The following RNF40 variants were observed in gnomAD, a reference collection of about 807,000 sequenced individuals.
RNF40 encodes ring finger protein 40.
A neutral mutation model predicts 123.3 loss-of-function variants in RNF40; 39 were observed. The ratio of observed to expected loss-of-function variants is 0.32; its 90% CI spans 0.24 to 0.41. The LOEUF is 0.41. Ranked by LOEUF, RNF40 falls within the 10% of genes least tolerant of loss-of-function variation. The pLI is 1.00. For missense variants in RNF40, 1,003 were observed against 1,319.9 expected (o/e 0.76, Z 3.72); for synonymous variants, 538 against 526.0 (o/e 1.02, Z -0.31).
At chr16:30,771,690 G>GAGGGCTT in intron 17 of RNF40, 143 bp from the exon 18 acceptor site, 1 of 828,836 alleles carries the variant, frequency 1.2e-6, no homozygotes. Context: ...AACAGGAGGG[G>GAGGGCTT]AGGGCTTAGG....
At chr16:30,763,061 G>A in intron 2 of RNF40, 57 bp from the exon 3 acceptor site, 1 of 1,594,472 alleles carries the variant, frequency 6.3e-7, no homozygotes, top group Non-Finnish European at 8.6e-7. Context: ...CTCTCTCTGT[G>A]ATTGGTTTGT....
chr16:30,774,174 TCCCCACCCCAGGTCTAGTGG>T lies in RNF40; in HGVS notation c.*69_*88del. ...CCCTGGGGGCTGTGCCCCCATCTCC[TCCCCACCCCAGGTCTAGTGG>T]CCCCACCCTCCATTCCGGACCCCAT... On this transcript the variant is annotated 3_prime_UTR_variant, in exon 20 of 20. Transcript: ENST00000324685. 1 of 1,516,966 alleles carries T rather than the reference TCCCCACCCCAGGTCTAGTGG, an allele frequency of 6.6e-7. No homozygotes were observed. The highest frequency in any genetic ancestry group is 1.3e-5 in the South Asian group (1 of 79,764). The allele number at this position is 1,516,966 out of a possible 1,614,324, so 94.0% of individuals were successfully genotyped here.
intron 2 of RNF40, among the ~76,000 whole-genome samples, 198 bp downstream of exon 2, chr16:30,762,875 G>A (rs1325527559): frequency 1.3e-5 from 2 of 152,214 alleles, no homozygotes; most frequent in Admixed American, 6.5e-5. Context: ...GGTTTCCAGG[G>A]GGCGTGTGAC....
chr16:30,761,878 G>A (rs1050932683), upstream of RNF40: 86 of 895,858 alleles, frequency 9.6e-5, no homozygotes, highest in East Asian at 2.2e-3. Flanking sequence ...CGCGCGGAGA[G>A]GCGCGGCGGG....
In RNF40 at chr16:30,769,497, T is replaced by C. The variant is rs1383623661; in HGVS notation, c.2483T>C (p.Val828Ala). Residue 828 changes from valine (V) to alanine (A), a missense_variant, in exon 17 of 20, where the codon GTG becomes GCG. Physicochemically the swap from Val to Ala is moderately conservative, Grantham distance 64 (BLOSUM62 0). Coordinates refer to ENST00000324685, the MANE Select transcript of RNF40 (RefSeq NM_014771.4). ...KSQVDAQLLTVQKLEEKERAL... is the reference protein window; with the variant it reads ...KSQVDAQLLTAQKLEEKERAL... ...TAGGTGGATGCCCAGCTGCTGACTG[T>C]GCAGAAGCTAGAGGAGAAGGAGCGA... The C allele has an allele frequency of 6.2e-7, 1 of 1,613,882 alleles. No individual in the cohort carries two copies. The highest frequency in any genetic ancestry group is 2.2e-5 in the East Asian group (1 of 44,868).
rs2054135620 is a variant in RNF40, at chr16:30,770,836, C to T, written c.2587-997C>T. 3.9e-5 allele frequency among the ~76,000 whole-genome samples: 6 copies of T among 152,202 alleles called. No homozygotes were observed. In the South Asian group the frequency reaches 1.0e-3, roughly 26 times the overall value. On this transcript the variant is annotated intron_variant, in intron 17 of 19. Coordinates refer to ENST00000324685, the MANE Select transcript of RNF40 (RefSeq NM_014771.4). Reference sequence around the variant, plus strand: ...AAGCGATTCTTCTGCCTTAGTGTCCCGAGTAGCTGGGACTACAGGAGCCTG... The same window carrying T: ...AAGCGATTCTTCTGCCTTAGTGTCCTGAGTAGCTGGGACTACAGGAGCCTG...
At chr16:30,765,775 A>G (rs1596748388) in intron 8 of RNF40, among the ~76,000 whole-genome samples, 1 of 152,280 alleles carries the variant, frequency 6.6e-6, no homozygotes, top group African/African-American at 2.4e-5. Flanking sequence ...TACTTGTGGT[A>G]ACAGACAAGA....
In RNF40 at chr16:30,768,981, C is replaced by G; in HGVS notation, c.2241C>G (p.Thr747=). 6.2e-7 allele frequency: 1 copy of G among 1,613,896 alleles called. No homozygotes were observed. The highest frequency in any genetic ancestry group is 1.3e-5 in the African/African-American group (1 of 75,060). The change falls in exon 15 of 20, where the codon ACC becomes ACG. Residue 747 remains threonine (T), a synonymous_variant. Transcript: ENST00000324685. The surrounding 1 kb of genome is among the most constrained non-coding windows in gnomAD (Gnocchi z 4.1). ...IEHLQRKLGA[T]KQEEEALLSE... ...ACCTGCAGCGCAAGCTGGGTGCCAC[C>G]AAGCAGGTGCGGCCCATGTGGTGCC...
At chr16:30,763,683 T>C in intron 4 of RNF40, 124 bp downstream of exon 4, 1 of 1,064,038 alleles carries the variant, frequency 9.4e-7, no homozygotes, top group Admixed American at 2.5e-5. Context: ...GGATTTCATG[T>C]TTGGGCAGTA....
In RNF40 at chr16:30,763,681, T is replaced by C. The variant is rs558053066; in HGVS notation, c.442+122T>C. The C allele has an allele frequency of 2.1e-4, 224 of 1,082,366 alleles. No homozygotes were observed. The African/African-American group carries it at 2.8e-3, about 13-fold the overall frequency. 67.0% of individuals were successfully genotyped at this position (1,082,366 alleles called of 1,614,324 possible). A position where few individuals can be genotyped will look rare whatever the true frequency, so the allele number is the denominator to read the frequency against. On this transcript the variant is annotated intron_variant, in intron 4 of 19. Coordinates refer to ENST00000324685, the MANE Select transcript of RNF40 (RefSeq NM_014771.4). The stretch of plus-strand genomic sequence containing the variant: ...ACTACTTCTCACGAAATGGATTTCA[T>C]GTTTGGGCAGTAAAGTGCAGTGCAC...
At chr16:30,763,042 C>G (rs2053916092) in intron 2 of RNF40, 76 bp from the exon 3 acceptor site, 1 of 1,536,848 alleles carries the variant, frequency 6.5e-7, no homozygotes, top group African/African-American at 1.4e-5. Flanking sequence ...AGATGCTCTG[C>G]TCCTCTTTCT....
chr16:30,764,862 T>A, intron 5 of RNF40, 76 bp from the exon 6 acceptor site: 1 of 1,550,760 alleles, frequency 6.4e-7, no homozygotes, highest in Non-Finnish European at 8.7e-7. Flanking sequence ...ACTGGGTATA[T>A]AGCAGACTCC....
chr16:30,774,378 C>G lies in RNF40; in HGVS notation c.*264C>G. On this transcript the variant is annotated 3_prime_UTR_variant, in exon 20 of 20. Transcript: ENST00000324685. ...GGTCTGCCTGAGAGGCCTGAGGAGC[C>G]CAGAGCACTTGACTGAGCTTCCCGG... The G allele has an allele frequency of 2.3e-6, 1 of 428,492 alleles. No individual in the cohort carries two copies. Among genetic ancestry groups the G allele is most frequent in the Non-Finnish European group, 4.2e-6 (1 of 238,456 alleles). The allele number at this position is 428,492 out of a possible 1,614,324, so 26.5% of individuals were successfully genotyped here.
chr16:30,769,193 A>C lies in RNF40; in HGVS notation c.2255A>C (p.Glu752Ala). 6.2e-7 allele frequency: 1 copy of C among 1,614,108 alleles called. No individual in the cohort carries two copies. Among genetic ancestry groups the C allele is most frequent in the Non-Finnish European group, 8.5e-7 (1 of 1,180,000 alleles). ...RKLGATKQEE[E>A]ALLSEMDVTG... is the part of the protein sequence containing the mutation. Reference sequence around the variant, plus strand: ...TCTGCCCACTTGCTGCAGGAGGAGGAGGCTCTGCTCTCAGAGATGGATGTG... The same window carrying C: ...TCTGCCCACTTGCTGCAGGAGGAGGCGGCTCTGCTCTCAGAGATGGATGTG... Residue 752 changes from glutamate (E) to alanine (A), a missense_variant, in exon 16 of 20, where the codon GAG (glutamate) becomes GCG (alanine). Around this residue, in one of 11 missense-constraint regions of RNF40, gnomAD observed 295 missense variants for 331.7 expected, o/e 0.89. Transcript: ENST00000324685.
At chr16:30,769,963 C>T (rs1436361837) in intron 17 of RNF40, among the ~76,000 whole-genome samples, 1 of 151,954 alleles carries the variant, frequency 6.6e-6, no homozygotes, top group Non-Finnish European at 1.5e-5. Context: ...GCTGGGTGTG[C>T]TGGTGCACGC....
At chr16:30,762,085 G>T (rs1303075041), upstream of RNF40, 1 of 395,084 alleles carries the variant, frequency 2.5e-6, no homozygotes, top group African/African-American at 2.1e-5. Flanking sequence ...TGTCCTCCAG[G>T]CTGGGAAGTG....
Position 30,766,126 on chromosome 16 carries a change from G to C in RNF40, c.994-37G>C. ...GTAAGGGAGGCCTGCTGCCACGTCT[G>C]GCCCTGCCTCCCATGGCCCTGCCTC... On this transcript the variant is annotated intron_variant, in intron 8 of 19. Transcript: ENST00000324685. This position sits in a 1 kb window ranked among gnomAD's most constrained non-coding sequence, Gnocchi z 5.4. 6.2e-7 allele frequency: 1 copy of C among 1,612,812 alleles called. No individual in the cohort carries two copies. The highest frequency in any genetic ancestry group is 1.3e-5 in the African/African-American group (1 of 75,012).
intron 17 of RNF40, among the ~76,000 whole-genome samples, chr16:30,770,099 C>T (rs1596758842): frequency 3.5e-5 from 2 of 56,624 alleles, no homozygotes; most frequent in South Asian, 1.4e-3. Context: ...GACTCTGTCC[C>T]TAGGGAAAAA....
rs2151331470 is a variant in RNF40 at position 30,768,781 on chromosome 16, G to A, written c.2097+45G>A. On this transcript the variant is annotated intron_variant, in intron 14 of 19. Coordinates refer to ENST00000324685, the MANE Select transcript of RNF40 (RefSeq NM_014771.4). This position sits in a 1 kb window ranked among gnomAD's most constrained non-coding sequence, Gnocchi z 4.1. ...GTGGGGCATTCAGAAAGGCAGAGCA[G>A]AGTCCTAGCTCAGCAGGAAGCAGTG... is the stretch of plus-strand genomic sequence containing the variant. 2 of 1,613,794 alleles carry A rather than the reference G, an allele frequency of 1.2e-6. No individual in the cohort carries two copies. Among genetic ancestry groups the A allele is most frequent in the East Asian group, 4.5e-5 (2 of 44,888 alleles).
Sources: gnomAD v4.1 joint callset for allele counts (sites outside exome capture counted in the v4.1 genomes callset) on GRCh38, gnomAD v4.1.1 for gene constraint, gnomAD v4.1.1 regional missense constraint, Gnocchi (gnomAD v3.1) non-coding constraint, MANE v1.5 for transcripts, NCBI Gene and HGNC (gene_info 2026-07-23, HGNC 2026-07-21) for gene names.